TAFA1: variants seen among roughly 807,000 people sequenced by gnomAD.
TAFA1 encodes the protein chemokine-like protein TAFA-1.
TAFA1 carries 4 observed loss-of-function variants against 18.5 expected under a neutral mutation model. The ratio of observed to expected loss-of-function variants is 0.22; its 90% confidence interval spans 0.11 to 0.49. The LOEUF (loss-of-function observed/expected upper bound fraction) is 0.49. Among genes scored for constraint, TAFA1 ranks in the 20% least tolerant of loss-of-function variants. TAFA1 has a pLI of 0.98. For synonymous variants in TAFA1, 56 were observed against 55.2 expected (o/e 1.01, Z -0.06); for missense variants, 147 against 169.0 (o/e 0.87, Z 0.72).
At chr3:68,070,357 C>A (rs1019512513) in intron 2 of TAFA1, among the ~76,000 whole-genome samples, 2 of 152,216 alleles carry the variant, frequency 1.3e-5, no homozygotes, top group African/African-American at 4.8e-5. Flanking sequence ...ATTTTAGCTG[C>A]AGTTGGAACA....
intron 2 of TAFA1, among the ~76,000 whole-genome samples, chr3:68,091,558 A>C (rs1002465249): frequency 3.3e-5 from 5 of 152,154 alleles, no homozygotes; most frequent in Non-Finnish European, 5.9e-5. Context: ...ATGGTATCTG[A>C]CTTTATAGAG....
At chr3:68,403,208 A>G (rs2070532168) in intron 2 of TAFA1, among the ~76,000 whole-genome samples, 2 of 152,184 alleles carry the variant, frequency 1.3e-5, no homozygotes, top group African/African-American at 2.4e-5. Flanking sequence ...AGTGTCCTCT[A>G]TGAATTAGCA....
intron 2 of TAFA1, among the ~76,000 whole-genome samples, chr3:68,407,269 A>G (rs1168421109): frequency 3.9e-5 from 6 of 152,170 alleles, no homozygotes; most frequent in Non-Finnish European, 7.3e-5. Flanking sequence ...ACCAGGTATT[A>G]TTATAATCAC....
chr3:68,289,176 A>G (rs533400907), intron 2 of TAFA1, among the ~76,000 whole-genome samples: 64 of 152,242 alleles, frequency 4.2e-4, no homozygotes, highest in African/African-American at 1.3e-3. Flanking sequence ...ATACATAGGA[A>G]TTGTTTATAT....
intron 3 of TAFA1, among the ~76,000 whole-genome samples, chr3:68,439,693 G>C (rs1158800472): frequency 6.6e-6 from 1 of 151,774 alleles, no homozygotes; most frequent in East Asian, 1.9e-4. Flanking sequence ...TGAATGCCCA[G>C]ATTAAGGGTG....
At position 68,536,530 on chromosome 3, in the gene TAFA1, G is replaced by A. The variant is rs143258785; in HGVS notation, c.260-2226G>A. ...GAAAGCATCGTAAGACAAACACCTG[G>A]CTGACATTTTGAGGATTCTGAATGG... is the stretch of plus-strand genomic sequence containing the variant. On this transcript the variant is annotated intron_variant, in intron 3 of 4. Transcript: ENST00000478136. Among the ~76,000 whole-genome samples the A allele has an allele frequency of 2.6e-5, 4 of 152,140 alleles. No homozygotes were observed. In the East Asian group the frequency reaches 7.7e-4, roughly 29 times the overall value.
At chr3:68,428,404 A>G (rs1055777121) in intron 3 of TAFA1, among the ~76,000 whole-genome samples, 1 of 151,930 alleles carries the variant, frequency 6.6e-6, no homozygotes, top group Non-Finnish European at 1.5e-5. Flanking sequence ...GATATTGCAC[A>G]TTGATTTTCC....
At chr3:68,223,533 ATTT>A (rs3033749) in intron 2 of TAFA1, among the ~76,000 whole-genome samples, 70 of 149,914 alleles carry the variant, frequency 4.7e-4, no homozygotes, top group Admixed American at 2.2e-3. Flanking sequence ...TGTTAGGACC[ATTT>A]TTTTTTTTTT....
chr3:68,433,059 T>C (rs1352202730), intron 3 of TAFA1, among the ~76,000 whole-genome samples: 2 of 152,040 alleles, frequency 1.3e-5, no homozygotes, highest in Non-Finnish European at 2.9e-5. Flanking sequence ...TTATTAGACA[T>C]CTCCGTTTGG....
At chr3:68,459,907 C>CT (rs2071743751) in intron 3 of TAFA1, among the ~76,000 whole-genome samples, 1 of 152,168 alleles carries the variant, frequency 6.6e-6, no homozygotes, top group Non-Finnish European at 1.5e-5. Context: ...TTGGGTTGTG[C>CT]TTTTAATATT....
intron 3 of TAFA1, among the ~76,000 whole-genome samples, chr3:68,503,299 A>G (rs989788057): frequency 6.6e-6 from 1 of 152,182 alleles, no homozygotes; most frequent in Admixed American, 6.5e-5. Flanking sequence ...ATGTATGTAC[A>G]AGTACTGCAA....
At chr3:68,490,466 C>T (rs1482787212) in intron 3 of TAFA1, among the ~76,000 whole-genome samples, 1 of 152,140 alleles carries the variant, frequency 6.6e-6, no homozygotes, top group Admixed American at 6.5e-5. Flanking sequence ...TATCATATAA[C>T]ATTTCCCCAT....
At chr3:68,543,574 C>T (rs898269728) in intron 4 of TAFA1, among the ~76,000 whole-genome samples, 1 of 152,112 alleles carries the variant, frequency 6.6e-6, no homozygotes, top group Non-Finnish European at 1.5e-5. Flanking sequence ...TGGCCCAACA[C>T]AAATCCACCT....
intron 2 of TAFA1, among the ~76,000 whole-genome samples, chr3:68,396,698 A>G (rs189999187): frequency 2.0e-5 from 3 of 152,336 alleles, no homozygotes; most frequent in African/African-American, 7.2e-5. Flanking sequence ...CAATGGATGT[A>G]TTTGTTATTC....
intron 3 of TAFA1, among the ~76,000 whole-genome samples, chr3:68,507,342 C>G (rs1575934218): frequency 6.6e-6 from 1 of 151,748 alleles, no homozygotes; most frequent in East Asian, 1.9e-4. Context: ...ATCCCTACTA[C>G]TGAGACAAAA....
At chr3:68,517,906 A>G (rs555385083) in intron 3 of TAFA1, among the ~76,000 whole-genome samples, 6 of 148,878 alleles carry the variant, frequency 4.0e-5, no homozygotes, top group Admixed American at 2.7e-4. Context: ...ACCCAGCCTT[A>G]TCTGCTCCCA....
chr3:68,243,732 A>C (rs2067032398), intron 2 of TAFA1, among the ~76,000 whole-genome samples: 1 of 152,130 alleles, frequency 6.6e-6, no homozygotes, highest in African/African-American at 2.4e-5. Flanking sequence ...CCTGTTATTG[A>C]CCATTATAAA....
intron 2 of TAFA1, among the ~76,000 whole-genome samples, chr3:68,370,464 G>A (rs1320897579): frequency 1.2e-4 from 2 of 17,214 alleles, no homozygotes; most frequent in African/African-American, 2.6e-4. Flanking sequence ...ATGTGTGTGT[G>A]TGTGTGTGTA....
chr3:68,366,659 A>G (rs532215499), intron 2 of TAFA1, among the ~76,000 whole-genome samples: 2 of 152,228 alleles, frequency 1.3e-5, no homozygotes, highest in East Asian at 3.9e-4. Flanking sequence ...CAGACAGTTC[A>G]AATCCAGCTT....
Sources: gnomAD v4.1 joint callset for allele counts (sites outside exome capture counted in the v4.1 genomes callset) on GRCh38, gnomAD v4.1.1 for gene constraint, MANE v1.5 for transcripts, NCBI Gene and HGNC (gene_info 2026-07-23, HGNC 2026-07-21) for gene names.